Variants in ULK4 observed in about 807,000 individuals in gnomAD.
ULK4 encodes the protein unc-51 like kinase 4.
Under a neutral mutation model 160.6 loss-of-function variants are expected in ULK4, and 133 were observed. The observed-to-expected ratio is 0.83, with a 90% confidence interval of 0.72 to 0.96. The LOEUF is 0.96. Among genes scored for constraint, ULK4 ranks in the 40% least tolerant of loss-of-function variants. The pLI is 0.00. For missense variants in ULK4, 1,580 were observed against 1,499.5 expected (o/e 1.05, Z -0.89); for synonymous variants, 534 against 539.8 (o/e 0.99, Z 0.15).
chr3:41,355,716 TCA>T (rs1383797133), intron 35 of ULK4, among the ~76,000 whole-genome samples: 1 of 152,248 alleles, frequency 6.6e-6, no homozygotes, highest in East Asian at 1.9e-4. Flanking sequence ...GAACAATAAT[TCA>T]CAGTCCATGG....
intron 2 of ULK4, among the ~76,000 whole-genome samples, chr3:41,942,555 C>T (rs1028140635): frequency 6.6e-6 from 1 of 151,870 alleles, no homozygotes; most frequent in Non-Finnish European, 1.5e-5. Flanking sequence ...CGGTGGCTCA[C>T]GCCTGTAATG....
intron 34 of ULK4, among the ~76,000 whole-genome samples, chr3:41,449,637 CAGAA>C (rs1553670311): frequency 6.6e-6 from 1 of 151,942 alleles, no homozygotes; most frequent in Non-Finnish European, 1.5e-5. Context: ...CAGCAGGAAA[CAGAA>C]GGAGAACAGG....
chr3:41,808,659 A>G (rs1032367827), intron 19 of ULK4, among the ~76,000 whole-genome samples: 10 of 152,238 alleles, frequency 6.6e-5, no homozygotes, highest in African/African-American at 2.4e-4. Flanking sequence ...GAGCTGTGCT[A>G]TGTTTTAATG....
At chr3:41,493,217 T>C (rs80333480) in intron 32 of ULK4, among the ~76,000 whole-genome samples, 48,077 of 131,758 alleles carry the variant, frequency 0.36, 8,994 homozygotes, top group Non-Finnish European at 0.39. Flanking sequence ...ACAGAAATTA[T>C]AACAAACTGT....
intron 32 of ULK4, among the ~76,000 whole-genome samples, chr3:41,488,723 T>C (rs999378557): frequency 1.3e-5 from 2 of 152,138 alleles, no homozygotes; most frequent in African/African-American, 4.8e-5. Flanking sequence ...TCTGACACTT[T>C]TGTAAGGTTT....
intron 32 of ULK4, among the ~76,000 whole-genome samples, chr3:41,483,159 C>T (rs2084387693): frequency 6.6e-6 from 1 of 152,168 alleles, no homozygotes; most frequent in Non-Finnish European, 1.5e-5. Context: ...TTTAGTCCTA[C>T]CTCCCACTAC....
intron 32 of ULK4, among the ~76,000 whole-genome samples, chr3:41,556,054 T>C (rs941383903): frequency 6.6e-6 from 1 of 151,886 alleles, no homozygotes; most frequent in African/African-American, 2.4e-5. Context: ...AGAAAGAGGA[T>C]CAGGAAAAAT....
intron 31 of ULK4, among the ~76,000 whole-genome samples, chr3:41,585,807 C>T (rs188397425): frequency 6.6e-6 from 1 of 152,168 alleles, no homozygotes; most frequent in Admixed American, 6.5e-5. Flanking sequence ...ATAAAAAACT[C>T]CTATATTTCA....
chr3:41,820,223 T>C (rs2041098651), intron 18 of ULK4, among the ~76,000 whole-genome samples: 1 of 152,154 alleles, frequency 6.6e-6, no homozygotes, highest in Non-Finnish European at 1.5e-5. Flanking sequence ...ACATTATTAA[T>C]TTACTTCAGC....
intron 30 of ULK4, among the ~76,000 whole-genome samples, chr3:41,639,949 T>C (rs1249279445): frequency 1.3e-5 from 2 of 152,190 alleles, no homozygotes; most frequent in Non-Finnish European, 2.9e-5. Context: ...CTGTGTATTA[T>C]GGTAAATGAC....
chr3:41,892,505 A>G (rs1321153300), intron 16 of ULK4, among the ~76,000 whole-genome samples: 8 of 152,252 alleles, frequency 5.3e-5, no homozygotes, highest in Non-Finnish European at 1.0e-4. Context: ...ACGGAATATT[A>G]TTCAGCCTTA....
intron 5 of ULK4, among the ~76,000 whole-genome samples, chr3:41,929,021 C>T (rs918355417): frequency 2.0e-5 from 3 of 151,906 alleles, no homozygotes; most frequent in African/African-American, 7.3e-5. Context: ...ATACCAAAGC[C>T]TGACGGAGAT....
intron 18 of ULK4, among the ~76,000 whole-genome samples, chr3:41,831,003 T>C (rs1000514236): frequency 1.4e-5 from 2 of 139,624 alleles, no homozygotes; most frequent in East Asian, 2.0e-4. Context: ...GGAATGTTTT[T>C]ATTATTTTTT....
chr3:41,850,996 T>C (rs1307995719), intron 17 of ULK4, among the ~76,000 whole-genome samples: 1 of 152,164 alleles, frequency 6.6e-6, no homozygotes, highest in Non-Finnish European at 1.5e-5. Flanking sequence ...TAAGGTTTTC[T>C]AGATATACAA....
chr3:41,944,105 C>A (rs1046383688), intron 2 of ULK4, among the ~76,000 whole-genome samples: 5 of 152,156 alleles, frequency 3.3e-5, no homozygotes, highest in Non-Finnish European at 7.3e-5. Context: ...TTCAACGTAA[C>A]CCCGTGGCAC....
intron 31 of ULK4, among the ~76,000 whole-genome samples, chr3:41,574,576 C>T (rs1026242825): frequency 7.7e-6 from 1 of 130,154 alleles, no homozygotes; most frequent in Non-Finnish European, 1.6e-5. Context: ...GAGTCTTGCT[C>T]TGCCACCCAG....
intron 34 of ULK4, among the ~76,000 whole-genome samples, chr3:41,408,832 T>C (rs1406746110): frequency 4.6e-5 from 7 of 152,140 alleles, no homozygotes; most frequent in Non-Finnish European, 5.9e-5. Context: ...GTTTTAACAA[T>C]GGTGCCAAGA....
At chr3:41,412,244 A>G (rs1384299427) in intron 34 of ULK4, among the ~76,000 whole-genome samples, 2 of 152,156 alleles carry the variant, frequency 1.3e-5, no homozygotes, top group Non-Finnish European at 2.9e-5. Context: ...GATGAAGGAC[A>G]TGTGCATGAA....
intron 27 of ULK4, among the ~76,000 whole-genome samples, chr3:41,687,100 C>T (rs552152157): frequency 2.0e-5 from 3 of 151,806 alleles, no homozygotes; most frequent in African/African-American, 7.3e-5. Flanking sequence ...TTAGGCTGGG[C>T]GTAGTGGTTC....
Sources: allele counts gnomAD v4.1 joint callset (sites outside exome capture counted in the v4.1 genomes callset), GRCh38; gene constraint gnomAD v4.1.1; transcripts MANE v1.5; gene names NCBI Gene and HGNC (gene_info 2026-07-23, HGNC 2026-07-21).